Variants in TPRG1 observed in about 807,000 individuals in gnomAD.
TPRG1 encodes tumor protein p63 regulated 1.
In TPRG1, 29 loss-of-function variants were observed where a neutral mutation model predicts 29.3. That is an observed-to-expected ratio of 0.99 (90% CI 0.74 to 1.35). TPRG1 has a LOEUF of 1.35. Ranked by LOEUF, TPRG1 falls within the 40% of genes most tolerant of loss-of-function variation. The pLI, the probability that TPRG1 is intolerant of heterozygous loss-of-function variation, is 0.00. For synonymous variants in TPRG1, 130 were observed against 116.8 expected, an observed-to-expected ratio of 1.11 and a Z score of -0.73; for missense variants, 327 against 335.0, an observed-to-expected ratio of 0.98 and a Z score of 0.19.
intron 4 of TPRG1, among the ~76,000 whole-genome samples, chr3:189,087,423 T>C (rs1718025913): frequency 6.6e-6 from 1 of 152,114 alleles, no homozygotes; most frequent in African/African-American, 2.4e-5. Context: ...GTCAGATGAG[T>C]AGGTTGCAAA....
In TPRG1 at chr3:189,322,554, G is replaced by C. The variant is rs1157402357; in HGVS notation, c.*1734G>C. 1.3e-5 allele frequency: 2 copies of C among 152,432 alleles called. No homozygotes were observed. Among genetic ancestry groups the C allele is most frequent in the African/African-American group, 4.8e-5 (2 of 41,384 alleles). 9.4% of individuals were successfully genotyped at this position (152,432 alleles called of 1,614,324 possible). ...AATGAAAAGTCGTTGGATTGTTTTG[G>C]CACTGGTTCTGAAGCAGGCATAATT... On this transcript the variant is annotated 3_prime_UTR_variant, in exon 6 of 6. Coordinates refer to ENST00000345063, the MANE Select transcript of TPRG1 (RefSeq NM_198485.4).
intron 4 of TPRG1, among the ~76,000 whole-genome samples, chr3:189,083,765 G>C (rs775859096): frequency 6.6e-6 from 1 of 152,180 alleles, no homozygotes; most frequent in African/African-American, 2.4e-5. Context: ...TGTGATGCTT[G>C]TCAGGTCCAG....
intron 4 of TPRG1, among the ~76,000 whole-genome samples, chr3:189,305,859 C>T (rs1560679251): frequency 6.6e-6 from 1 of 152,224 alleles, no homozygotes; most frequent in Non-Finnish European, 1.5e-5. Context: ...CCTGCCTCTG[C>T]CTCTTTCTGG....
At chr3:189,124,271 T>G (rs558555026) in intron 1 of TPRG1, among the ~76,000 whole-genome samples, 1 of 152,072 alleles carries the variant, frequency 6.6e-6, no homozygotes, top group East Asian at 1.9e-4. Context: ...AGAAATTCCT[T>G]GTGGCAATAA....
At chr3:189,037,654 A>C (rs1385480564) in intron 4 of TPRG1, among the ~76,000 whole-genome samples, 2 of 151,882 alleles carry the variant, frequency 1.3e-5, no homozygotes, top group African/African-American at 4.8e-5. Context: ...ACAATGAGAT[A>C]TCACTGCTGG....
Position 189,312,129 on chromosome 3 carries a change from C to G in TPRG1, c.633+1590C>G, listed in dbSNP as rs369496306. Among the ~76,000 whole-genome samples the G allele has an allele frequency of 7.9e-3, 303 of 38,122 alleles. 7 individuals are homozygous for G. The highest frequency in any genetic ancestry group is 0.021 in the African/African-American group (198 of 9,360). 25.0% of individuals were successfully genotyped at this position (38,122 alleles called of 152,430 possible). ...TGTTTCTTTCTTTGTTTCTTTCTTT[C>G]TTTCTTTCTTTCTTTCTTTCTTTCT... On this transcript the variant is annotated intron_variant, in intron 5 of 5. Coordinates refer to ENST00000345063, the MANE Select transcript of TPRG1 (RefSeq NM_198485.4).
chr3:189,224,489 A>G (rs936201516), intron 3 of TPRG1, among the ~76,000 whole-genome samples: 1 of 152,240 alleles, frequency 6.6e-6, no homozygotes, highest in East Asian at 1.9e-4. Context: ...AAACAACAAC[A>G]ACAACAACAA....
intron 4 of TPRG1, among the ~76,000 whole-genome samples, chr3:189,079,186 A>G (rs914932669): frequency 2.0e-5 from 3 of 152,138 alleles, no homozygotes; most frequent in African/African-American, 7.2e-5. Context: ...GCTAGATCTC[A>G]TTGGAACTAA....
At chr3:189,128,139 G>A (rs1722697567) in intron 2 of TPRG1, among the ~76,000 whole-genome samples, 1 of 152,190 alleles carries the variant, frequency 6.6e-6, no homozygotes, top group African/African-American at 2.4e-5. Context: ...TTGCACAATT[G>A]CAAGATGAGT....
At chr3:189,045,684 A>G (rs904498533) in intron 4 of TPRG1, among the ~76,000 whole-genome samples, 23 of 152,188 alleles carry the variant, frequency 1.5e-4, no homozygotes, top group Admixed American at 3.9e-4. Flanking sequence ...CTAATATTAT[A>G]TATTTTTCCT....
At chr3:189,023,598 A>G (rs1335366529) in intron 3 of TPRG1, among the ~76,000 whole-genome samples, 3 of 152,334 alleles carry the variant, frequency 2.0e-5, no homozygotes, top group African/African-American at 7.2e-5. Flanking sequence ...TTGAGTTGTC[A>G]GCATTTTTGC....
intron 4 of TPRG1, among the ~76,000 whole-genome samples, chr3:189,148,105 TTG>T (rs1403122962): frequency 1.4e-4 from 22 of 152,198 alleles, no homozygotes; most frequent in Non-Finnish European, 2.5e-4. Flanking sequence ...TTTGTAGGAT[TTG>T]TTTGTCTGCA....
At chr3:189,312,460 G>C (rs1189923522) in intron 5 of TPRG1, among the ~76,000 whole-genome samples, 1 of 151,932 alleles carries the variant, frequency 6.6e-6, no homozygotes, top group East Asian at 1.9e-4. Flanking sequence ...ATATATTTTT[G>C]AATTAGTAGT....
intron 2 of TPRG1, among the ~76,000 whole-genome samples, chr3:189,214,358 TAAAG>T (rs904626913): frequency 3.3e-5 from 5 of 152,202 alleles, no homozygotes; most frequent in African/African-American, 1.2e-4. Flanking sequence ...GTTGTGTCAT[TAAAG>T]AAAGTATTAT....
At chr3:189,194,082 C>T (rs1732151961) in intron 1 of TPRG1, among the ~76,000 whole-genome samples, 1 of 151,582 alleles carries the variant, frequency 6.6e-6, no homozygotes, top group Non-Finnish European at 1.5e-5. Flanking sequence ...TCACCTGCAC[C>T]TGCTGTTGTT....
At chr3:189,127,762 C>G (rs1258796505) in intron 2 of TPRG1, among the ~76,000 whole-genome samples, 1 of 152,082 alleles carries the variant, frequency 6.6e-6, no homozygotes, top group East Asian at 1.9e-4. Context: ...ACCTTGAGGT[C>G]CAGATGTTAT....
intron 5 of TPRG1, among the ~76,000 whole-genome samples, chr3:189,316,890 G>A (rs1027323809): frequency 1.2e-4 from 18 of 152,132 alleles, no homozygotes; most frequent in African/African-American, 4.1e-4. Context: ...AAATGCTCAA[G>A]AGCCAGCTCG....
chr3:189,278,631 G>A (rs73055977), intron 4 of TPRG1, among the ~76,000 whole-genome samples: 14,355 of 152,242 alleles, frequency 0.094, 901 homozygotes, highest in African/African-American at 0.18. Context: ...TCTGGCAAGC[G>A]TCAAGATCTA....
intron 1 of TPRG1, among the ~76,000 whole-genome samples, chr3:188,998,466 C>A (rs913489760): frequency 2.0e-5 from 3 of 152,154 alleles, no homozygotes; most frequent in Non-Finnish European, 4.4e-5. Flanking sequence ...CAGAAAGGAA[C>A]CACAGCATGC....
Sources: gnomAD v4.1 joint callset for allele counts (sites outside exome capture counted in the v4.1 genomes callset) on GRCh38, gnomAD v4.1.1 for gene constraint, MANE v1.5 for transcripts, NCBI Gene and HGNC (gene_info 2026-07-23, HGNC 2026-07-21) for gene names.